Variants in GNA12 observed in about 807,000 individuals in gnomAD.
GNA12 encodes the protein G protein subunit alpha 12.
In GNA12, 9 loss-of-function variants were observed where a neutral mutation model predicts 26.0. That is an observed-to-expected ratio of 0.35 (90% confidence interval 0.21 to 0.60). GNA12 has a LOEUF of 0.60. GNA12 is among the 20% of genes least tolerant of loss of function. The pLI is 0.78. For missense variants in GNA12, 405 were observed against 525.8 expected, an observed-to-expected ratio of 0.77 and a Z score of 2.25; for synonymous variants, 264 against 219.6, an observed-to-expected ratio of 1.20 and a Z score of -1.79.
intron 2 of GNA12, chr7:2,763,066 G>A: frequency 8.0e-7 from 1 of 1,247,498 alleles, no homozygotes; most frequent in Non-Finnish European, 1.0e-6. Context: ...CGCAGACCGG[G>A]GCTCCCTACC....
intron 2 of GNA12, among the ~76,000 whole-genome samples, chr7:2,736,778 G>A (rs188020194): frequency 2.0e-5 from 3 of 152,350 alleles, no homozygotes; most frequent in Non-Finnish European, 2.9e-5. Flanking sequence ...CGTCAGCACC[G>A]TCAGGCAGGC....
At chr7:2,815,798 T>C (rs904406930) in intron 1 of GNA12, among the ~76,000 whole-genome samples, 4 of 152,228 alleles carry the variant, frequency 2.6e-5, no homozygotes, top group Admixed American at 6.5e-5. Flanking sequence ...GTCCCGTCTG[T>C]GTCTTAGCAC....
At chr7:2,737,274 G>GTTTTGTTTTTTTT (rs1790242698) in intron 2 of GNA12, among the ~76,000 whole-genome samples, 3 of 35,032 alleles carry the variant, frequency 8.6e-5, no homozygotes, top group East Asian at 8.3e-4. Flanking sequence ...GTTTTGTTTT[G>GTTTTGTTTTTTTT]TTTTTTTTTT....
chr7:2,832,588 AT>A (rs1309198597), intron 1 of GNA12, among the ~76,000 whole-genome samples: 1 of 152,274 alleles, frequency 6.6e-6, no homozygotes, highest in South Asian at 2.1e-4. Context: ...TTAAGTAGCT[AT>A]TGATTACCCA....
chr7:2,769,668 G>A (rs759789717), intron 2 of GNA12, among the ~76,000 whole-genome samples: 1 of 152,086 alleles, frequency 6.6e-6, no homozygotes, highest in Non-Finnish European at 1.5e-5. Context: ...GGGAGGTGGA[G>A]CTTGCAGTGA....
At chr7:2,810,528 T>G (rs1037254681) in intron 1 of GNA12, among the ~76,000 whole-genome samples, 13 of 152,098 alleles carry the variant, frequency 8.5e-5, no homozygotes, top group African/African-American at 3.1e-4. Context: ...AGAAGGAACT[T>G]ACTCCTTGGG....
Position 2,783,503 on chromosome 7 carries a change from C to A in GNA12, c.525+11425G>T, listed in dbSNP as rs146248633. Among the ~76,000 whole-genome samples, 820 of 152,080 alleles carry A rather than the reference C, an allele frequency of 5.4e-3. 11 individuals carry two copies. The highest frequency in any genetic ancestry group is 0.019 in the African/African-American group (785 of 41,468). ...ATTACACGGCAGTCTCCTATCAGAT[C>A]CCCCAACTTCATTTCCACCTCCACT... On this transcript the variant is annotated intron_variant, in intron 2 of 3. Transcript: ENST00000275364.
At chr7:2,738,297 A>T (rs2115315626) in intron 2 of GNA12, among the ~76,000 whole-genome samples, 1 of 152,180 alleles carries the variant, frequency 6.6e-6, no homozygotes, top group East Asian at 1.9e-4. Context: ...AAAAAAAAAA[A>T]ATTAGGTAAC....
At chr7:2,807,706 A>G (rs1184948885) in intron 1 of GNA12, among the ~76,000 whole-genome samples, 1 of 152,228 alleles carries the variant, frequency 6.6e-6, no homozygotes, top group East Asian at 1.9e-4. Flanking sequence ...AAAAAGCTGG[A>G]AGAAGTAAAT....
intron 2 of GNA12, chr7:2,763,085 G>A (rs963384003): frequency 1.4e-5 from 17 of 1,250,152 alleles, no homozygotes; most frequent in Non-Finnish European, 1.7e-5. Flanking sequence ...CCAGCCTTGA[G>A]TGAGAGACCA....
intron 1 of GNA12, among the ~76,000 whole-genome samples, chr7:2,806,472 A>G (rs1329919959): frequency 6.6e-6 from 1 of 151,296 alleles, no homozygotes; most frequent in African/African-American, 2.4e-5. Flanking sequence ...AAAAAAAAAA[A>G]AAAAAAGAAA....
At chr7:2,792,432 G>C (rs1792543858) in intron 2 of GNA12, among the ~76,000 whole-genome samples, 1 of 152,198 alleles carries the variant, frequency 6.6e-6, no homozygotes, top group South Asian at 2.1e-4. Flanking sequence ...TGCACTGACG[G>C]AACAGGGCAA....
rs561722030 is a variant in GNA12, at chr7:2,783,457, C to T, written c.525+11471G>A. Among the ~76,000 whole-genome samples, 30 of 152,182 alleles carry T rather than the reference C, an allele frequency of 2.0e-4. No individual in the cohort carries two copies. The South Asian group carries it at 5.8e-3, about 30-fold the overall frequency. On this transcript the variant is annotated intron_variant, in intron 2 of 3. Coordinates refer to ENST00000275364, the MANE Select transcript of GNA12 (RefSeq NM_007353.3). ...TGTGCGTATCCTTTCCATTCATCCT[C>T]ACCCTCTGAGGTCCCCATTCATTAC...
intron 1 of GNA12, among the ~76,000 whole-genome samples, chr7:2,827,994 A>G (rs1583313121): frequency 6.6e-6 from 1 of 152,242 alleles, no homozygotes; most frequent in African/African-American, 2.4e-5. Context: ...TTTGCTCCAG[A>G]TAACAGGAAA....
intron 2 of GNA12, among the ~76,000 whole-genome samples, chr7:2,776,856 G>A (rs1583272477): frequency 6.6e-6 from 1 of 152,152 alleles, no homozygotes; most frequent in Admixed American, 6.5e-5. Flanking sequence ...AGGCTGAGGT[G>A]GGAGGATCAC....
chr7:2,764,198 G>A (rs984103840), intron 2 of GNA12, among the ~76,000 whole-genome samples: 5 of 151,578 alleles, frequency 3.3e-5, no homozygotes, highest in African/African-American at 1.2e-4. Flanking sequence ...TCAGCCTCCT[G>A]AGTAGCTGGG....
intron 2 of GNA12, among the ~76,000 whole-genome samples, chr7:2,763,845 G>A (rs886555222): frequency 6.6e-6 from 1 of 152,230 alleles, no homozygotes; most frequent in Non-Finnish European, 1.5e-5. Context: ...CCCACTCAGT[G>A]GCCTCCATGG....
At chr7:2,823,174 C>T (rs1288466169) in intron 1 of GNA12, among the ~76,000 whole-genome samples, 3 of 152,220 alleles carry the variant, frequency 2.0e-5, no homozygotes, top group Non-Finnish European at 4.4e-5. Flanking sequence ...TTCCAGGCTT[C>T]CTGGTGTAGT....
intron 2 of GNA12, among the ~76,000 whole-genome samples, chr7:2,783,128 G>C (rs867009461): frequency 6.6e-6 from 1 of 152,146 alleles, no homozygotes; most frequent in Non-Finnish European, 1.5e-5. Flanking sequence ...TCTGGTTCCA[G>C]GCACTGTGTT....
Sources: gnomAD v4.1 joint callset for allele counts (sites outside exome capture counted in the v4.1 genomes callset) on GRCh38, gnomAD v4.1.1 for gene constraint, MANE v1.5 for transcripts, NCBI Gene and HGNC (gene_info 2026-07-23, HGNC 2026-07-21) for gene names.